The following NRXN3 variants were observed in gnomAD, a reference collection of about 807,000 sequenced individuals.
NRXN3 encodes the protein neurexin 3.
In NRXN3, 32 loss-of-function variants were observed where a neutral mutation model predicts 137.6. That is an observed-to-expected ratio of 0.23 (90% CI 0.18 to 0.31). The LOEUF (loss-of-function observed/expected upper bound fraction) is 0.31. NRXN3 is among the 10% of genes least tolerant of loss of function. The pLI is 1.00. For synonymous variants in NRXN3, 798 were observed against 784.5 expected (o/e 1.02, Z -0.29); for missense variants, 1,574 against 2,062.5 (o/e 0.76, Z 4.59).
intron 14 of NRXN3, among the ~76,000 whole-genome samples, chr14:78,972,439 G>C (rs1288417585): frequency 6.6e-6 from 1 of 152,156 alleles, no homozygotes; most frequent in Non-Finnish European, 1.5e-5. Flanking sequence ...ATTTGCAAGA[G>C]GGCACAAGGG....
chr14:79,100,488 A>G (rs2051075669), intron 15 of NRXN3, among the ~76,000 whole-genome samples: 1 of 152,228 alleles, frequency 6.6e-6, no homozygotes, highest in Non-Finnish European at 1.5e-5. Flanking sequence ...TTGATACTAA[A>G]ACATCTCATT....
intron 4 of NRXN3, among the ~76,000 whole-genome samples, chr14:78,590,382 G>A (rs771220111): frequency 6.6e-6 from 1 of 152,180 alleles, no homozygotes; most frequent in Non-Finnish European, 1.5e-5. Context: ...GAGATTGTGA[G>A]CAGACCAATA....
intron 15 of NRXN3, among the ~76,000 whole-genome samples, chr14:79,108,105 TAA>T (rs2052789176): frequency 1.3e-5 from 2 of 152,166 alleles, no homozygotes; most frequent in African/African-American, 4.8e-5. Context: ...TTTTATATGA[TAA>T]GTGTGTATAT....
intron 11 of NRXN3, among the ~76,000 whole-genome samples, chr14:78,958,617 A>G (rs1597897151): frequency 6.6e-6 from 1 of 152,136 alleles, no homozygotes; most frequent in African/African-American, 2.4e-5. Context: ...GGCCTCCCAA[A>G]GTGCTGGGAT....
At chr14:79,553,632 A>T (rs1372254104) in intron 16 of NRXN3, among the ~76,000 whole-genome samples, 2 of 152,154 alleles carry the variant, frequency 1.3e-5, no homozygotes, top group African/African-American at 4.8e-5. Flanking sequence ...CACAGGTGGT[A>T]TCTGCACAGA....
At chr14:79,027,922 G>A (rs2099601204) in intron 15 of NRXN3, among the ~76,000 whole-genome samples, 1 of 152,112 alleles carries the variant, frequency 6.6e-6, no homozygotes, top group Admixed American at 6.6e-5. Flanking sequence ...TAGAACATAA[G>A]CTTTTGGCTT....
chr14:78,755,190 A>ATTTT (rs34214778), intron 8 of NRXN3, among the ~76,000 whole-genome samples: 2 of 131,586 alleles, frequency 1.5e-5, no homozygotes, highest in Non-Finnish European at 3.4e-5. Flanking sequence ...TAGTTTTTGT[A>ATTTT]TTTTTTTTTT....
chr14:79,712,621 G>A (rs1025125435), intron 19 of NRXN3, among the ~76,000 whole-genome samples: 7 of 152,118 alleles, frequency 4.6e-5, no homozygotes, highest in African/African-American at 1.7e-4. Context: ...GTTTGTTAAT[G>A]AATACCCTCG....
At chr14:78,501,071 T>C (rs983718375) in intron 4 of NRXN3, among the ~76,000 whole-genome samples, 1 of 152,200 alleles carries the variant, frequency 6.6e-6, no homozygotes. Context: ...CTTTTACTTA[T>C]GACATGCAAC....
At chr14:79,263,778 GA>G (rs896273230) in intron 15 of NRXN3, among the ~76,000 whole-genome samples, 2 of 152,126 alleles carry the variant, frequency 1.3e-5, no homozygotes, top group African/African-American at 4.8e-5. Flanking sequence ...TTTTGGAAAG[GA>G]GTTTTTATCT....
intron 15 of NRXN3, among the ~76,000 whole-genome samples, chr14:79,338,431 G>A (rs900353711): frequency 5.9e-5 from 9 of 152,206 alleles, no homozygotes; most frequent in Admixed American, 3.3e-4. Context: ...TTACCACTGC[G>A]TTCCCTCCAG....
chr14:79,378,854 T>A (rs1314214942), intron 15 of NRXN3, among the ~76,000 whole-genome samples: 3 of 149,706 alleles, frequency 2.0e-5, no homozygotes, highest in Non-Finnish European at 3.0e-5. Context: ...ACTTGCTGAA[T>A]GAGAGAATAA....
At chr14:78,437,647 C>T (rs1279494905) in intron 4 of NRXN3, among the ~76,000 whole-genome samples, 1 of 152,126 alleles carries the variant, frequency 6.6e-6, no homozygotes, top group Non-Finnish European at 1.5e-5. Context: ...CCCAGCCCAT[C>T]CTGTGGTTTC....
chr14:78,556,513 A>G (rs1325017168), intron 4 of NRXN3, among the ~76,000 whole-genome samples: 1 of 152,236 alleles, frequency 6.6e-6, no homozygotes, highest in Non-Finnish European at 1.5e-5. Flanking sequence ...TGTCATATGT[A>G]ATAGGTTACC....
chr14:79,245,976 C>G (rs926451049), intron 15 of NRXN3, among the ~76,000 whole-genome samples: 1 of 152,140 alleles, frequency 6.6e-6, no homozygotes, highest in Admixed American at 6.6e-5. Flanking sequence ...CATAAAGATG[C>G]CATTTCTATT....
intron 15 of NRXN3, among the ~76,000 whole-genome samples, chr14:79,189,427 A>G (rs1389984260): frequency 2.0e-5 from 3 of 151,058 alleles, no homozygotes; most frequent in Non-Finnish European, 4.4e-5. Context: ...TAGGAGATAT[A>G]CCTAATGCTA....
chr14:79,406,983 A>G (rs901789868), intron 15 of NRXN3, among the ~76,000 whole-genome samples: 1 of 152,186 alleles, frequency 6.6e-6, no homozygotes. Context: ...TTATTTTAAC[A>G]AAGGGACCTC....
At chr14:79,348,831 AT>A (rs993102045) in intron 15 of NRXN3, among the ~76,000 whole-genome samples, 1 of 152,074 alleles carries the variant, frequency 6.6e-6, no homozygotes, top group African/African-American at 2.4e-5. Context: ...ATTACTGCAG[AT>A]TTTTGCACCT....
In NRXN3 at chr14:78,523,816, C is replaced by CAAGAAAAAAAA. The variant is rs2096328085; in HGVS notation, c.758-121302_758-121301insGAAAAAAAAAA. On this transcript the variant is annotated intron_variant, in intron 4 of 20. Transcript: ENST00000335750. The stretch of plus-strand genomic sequence containing the variant: ...TGGGTGACAGAGCAAGACTCTGTCT[C>CAAGAAAAAAAA]AAAAAAAAAAAAAAAAAAAAAAAAA... Among the ~76,000 whole-genome samples, 2 of 61,604 alleles carry CAAGAAAAAAAA rather than the reference C, an allele frequency of 3.2e-5. 1 individual carries two copies. The highest frequency in any genetic ancestry group is 5.3e-5 in the Non-Finnish European group (2 of 38,010). The allele number at this position is 61,604 out of a possible 152,430, so 40.4% of individuals were successfully genotyped here.
Sources: gnomAD v4.1 joint callset for allele counts (sites outside exome capture counted in the v4.1 genomes callset) on GRCh38, gnomAD v4.1.1 for gene constraint, MANE v1.5 for transcripts, NCBI Gene and HGNC (gene_info 2026-07-23, HGNC 2026-07-21) for gene names.